ANKS1A: variants seen among roughly 807,000 people sequenced by gnomAD.
ANKS1A encodes ankyrin repeat and sterile alpha motif domain containing 1A, also known as ankyrin repeat and SAM domain-containing protein 1A.
Under a neutral mutation model 120.3 loss-of-function variants are expected in ANKS1A, and 55 were observed. The ratio of observed to expected loss-of-function variants is 0.46; its 90% CI spans 0.37 to 0.57. The LOEUF (loss-of-function observed/expected upper bound fraction) is 0.57, where lower values mean the gene tolerates loss of function less well. Ranked by LOEUF, ANKS1A falls within the 20% of genes least tolerant of loss-of-function variation. The probability of loss-of-function intolerance (pLI) is 0.00; values close to 1 mark genes in which losing one functional copy is unlikely to be tolerated. For missense variants in ANKS1A, 1,123 were observed against 1,480.3 expected (o/e 0.76, Z 3.96); for synonymous variants, 590 against 604.7 (o/e 0.98, Z 0.36).
At chr6:34,927,163 G>A (rs553515132) in intron 1 of ANKS1A, among the ~76,000 whole-genome samples, 49 of 152,178 alleles carry the variant, frequency 3.2e-4, no homozygotes, top group African/African-American at 1.1e-3. Context: ...CAGAGTATAA[G>A]TGCTGGAGGA....
At chr6:34,941,437 T>A (rs1329507217) in intron 1 of ANKS1A, among the ~76,000 whole-genome samples, 1 of 152,058 alleles carries the variant, frequency 6.6e-6, no homozygotes, top group Non-Finnish European at 1.5e-5. Context: ...TATTATTATT[T>A]TTTATTTTTT....
intron 13 of ANKS1A, among the ~76,000 whole-genome samples, chr6:35,070,048 C>A: frequency 7.5e-6 from 1 of 132,774 alleles, no homozygotes; most frequent in African/African-American, 2.7e-5. Context: ...AAAAAAGAGA[C>A]TGGGTGTCTC....
chr6:35,043,913 AT>A (rs528625626), intron 11 of ANKS1A, among the ~76,000 whole-genome samples: 60 of 152,304 alleles, frequency 3.9e-4, no homozygotes, highest in Non-Finnish European at 7.4e-4. Context: ...TTCTTTTGGA[AT>A]TTTTTACAAC....
chr6:35,075,718 G>T (rs969570924), intron 13 of ANKS1A, among the ~76,000 whole-genome samples: 54 of 152,106 alleles, frequency 3.6e-4, no homozygotes, highest in African/African-American at 1.0e-3. Flanking sequence ...TGGCCAAAAG[G>T]TTAATTTGCT....
At chr6:34,926,541 G>C (rs926058962) in intron 1 of ANKS1A, among the ~76,000 whole-genome samples, 2 of 152,156 alleles carry the variant, frequency 1.3e-5, no homozygotes, top group Admixed American at 6.5e-5. Context: ...TAGAATCCTT[G>C]ACCCCTGGGC....
At chr6:34,973,856 T>TTCAC (rs1771310312) in intron 3 of ANKS1A, among the ~76,000 whole-genome samples, 4 of 85,952 alleles carry the variant, frequency 4.7e-5, no homozygotes, top group Admixed American at 2.3e-4. Context: ...CCCCTTCCCC[T>TTCAC]TGCCCTCCCC....
chr6:34,907,957 T>C (rs1318611033), intron 1 of ANKS1A, among the ~76,000 whole-genome samples: 2 of 152,066 alleles, frequency 1.3e-5, no homozygotes, highest in African/African-American at 2.4e-5. Context: ...TTTGGGAGGC[T>C]GAGTTGGGAG....
At chr6:34,916,062 G>A (rs1262598150) in intron 1 of ANKS1A, among the ~76,000 whole-genome samples, 1 of 144,344 alleles carries the variant, frequency 6.9e-6, no homozygotes, top group African/African-American at 2.6e-5. Flanking sequence ...GTGCAATCTC[G>A]GCTCACTGCA....
chr6:34,905,955 G>GA (rs1767625850), intron 1 of ANKS1A, among the ~76,000 whole-genome samples: 1 of 152,112 alleles, frequency 6.6e-6, no homozygotes, highest in African/African-American at 2.4e-5. Context: ...TGGCTAGACA[G>GA]AAAAAACAGT....
At chr6:35,065,231 A>AAT (rs1561950552) in intron 13 of ANKS1A, among the ~76,000 whole-genome samples, 1 of 117,310 alleles carries the variant, frequency 8.5e-6, no homozygotes, top group African/African-American at 3.0e-5. Context: ...TCACTGCCTG[A>AAT]CTGCAGCGCA....
chr6:35,075,831 G>T (rs1432973735), intron 13 of ANKS1A, among the ~76,000 whole-genome samples: 1 of 152,178 alleles, frequency 6.6e-6, no homozygotes, highest in Non-Finnish European at 1.5e-5. Context: ...GTGCAATCAT[G>T]GCTCTCTGTA....
At chr6:34,910,364 A>G (rs1298119766) in intron 1 of ANKS1A, among the ~76,000 whole-genome samples, 1 of 152,158 alleles carries the variant, frequency 6.6e-6, no homozygotes, top group Non-Finnish European at 1.5e-5. Flanking sequence ...CAGGAGTTTA[A>G]GGCCATCCTA....
At chr6:35,063,160 GA>G (rs1412690727) in intron 13 of ANKS1A, among the ~76,000 whole-genome samples, 1 of 152,202 alleles carries the variant, frequency 6.6e-6, no homozygotes, top group Non-Finnish European at 1.5e-5. Context: ...TAGGATGGTG[GA>G]ACTGACACCA....
intron 8 of ANKS1A, among the ~76,000 whole-genome samples, chr6:34,988,708 G>T (rs1297140880): frequency 6.6e-6 from 1 of 152,200 alleles, no homozygotes; most frequent in Non-Finnish European, 1.5e-5. Context: ...GCTAATAAAT[G>T]GGAGTAGACC....
At chr6:35,068,038 CG>C (rs2127596484) in intron 13 of ANKS1A, among the ~76,000 whole-genome samples, 1 of 152,046 alleles carries the variant, frequency 6.6e-6, no homozygotes, top group Admixed American at 6.6e-5. Flanking sequence ...GAATTACTGG[CG>C]GGCACTACCA....
intron 1 of ANKS1A, among the ~76,000 whole-genome samples, chr6:34,900,423 T>C (rs1323992378): frequency 1.3e-5 from 2 of 152,106 alleles, no homozygotes; most frequent in African/African-American, 4.8e-5. Flanking sequence ...AAGTATTAAC[T>C]CATTTTGTCC....
At chr6:34,973,982 C>T (rs1310354191) in intron 3 of ANKS1A, among the ~76,000 whole-genome samples, 1 of 88,836 alleles carries the variant, frequency 1.1e-5, no homozygotes. Context: ...CCTTCCCCTT[C>T]CCCTTCCCTT....
intron 1 of ANKS1A, among the ~76,000 whole-genome samples, chr6:34,918,480 A>T (rs1265696764): frequency 6.6e-6 from 1 of 152,242 alleles, no homozygotes; most frequent in Admixed American, 6.5e-5. Flanking sequence ...CTAGCTTTAT[A>T]ACTATTCTGC....
At chr6:35,051,926 G>A (rs1309776631) in intron 11 of ANKS1A, among the ~76,000 whole-genome samples, 1 of 152,220 alleles carries the variant, frequency 6.6e-6, no homozygotes, top group Non-Finnish European at 1.5e-5. Context: ...CATTTACTGT[G>A]AGCTAGACCT....
Sources: gnomAD v4.1 joint callset for allele counts (sites outside exome capture counted in the v4.1 genomes callset) on GRCh38, gnomAD v4.1.1 for gene constraint, MANE v1.5 for transcripts, NCBI Gene and HGNC (gene_info 2026-07-23, HGNC 2026-07-21) for gene names.